Variants in CYP39A1 observed in about 807,000 individuals in gnomAD.
CYP39A1 encodes cytochrome P450 family 39 subfamily A member 1.
In CYP39A1, 49 loss-of-function variants were observed where a neutral mutation model predicts 58.1. The observed-to-expected ratio is 0.84, with a 90% CI of 0.67 to 1.07. The LOEUF is 1.07. Among genes scored for constraint, CYP39A1 ranks in the 50% least tolerant of loss-of-function variants. The pLI is 0.00. For missense variants in CYP39A1, 531 were observed against 539.4 expected (o/e 0.98, Z 0.16); for synonymous variants, 209 against 187.6 (o/e 1.11, Z -0.93).
intron 10 of CYP39A1, among the ~76,000 whole-genome samples, chr6:46,585,370 G>T (rs191355783): frequency 3.3e-5 from 5 of 152,218 alleles, no homozygotes; most frequent in Admixed American, 1.3e-4. Flanking sequence ...TAGACAGACA[G>T]ATAGCTAGAT....
intron 1 of CYP39A1, among the ~76,000 whole-genome samples, chr6:46,645,167 C>T (rs1024737393): frequency 6.6e-6 from 1 of 152,040 alleles, no homozygotes; most frequent in Non-Finnish European, 1.5e-5. Context: ...TCAGTTTTTC[C>T]TTTTATGAAC....
At chr6:46,616,995 T>C (rs2150560375) in intron 7 of CYP39A1, among the ~76,000 whole-genome samples, 1 of 151,248 alleles carries the variant, frequency 6.6e-6, no homozygotes, top group East Asian at 1.9e-4. Context: ...ATTAGGGGGG[T>C]TGGGATCTAC....
rs190784938 is a variant in CYP39A1 at position 46,553,802 on chromosome 6, A to G, written c.1303T>C (p.Tyr435His). The stretch of plus-strand genomic sequence containing the variant: ...AATGGGTCCAGAAGACTACAGTCAT[A>G]TTTATAAAGTATTAAAATAATACAC... ...QMCIILILYK[Y>H]DCSLLDPLPK... is the part of the protein sequence containing the mutation. The change falls in exon 11 of 12, where the codon TAT becomes CAT. Residue 435 changes from tyrosine to histidine, a missense_variant. Tyr to His is a moderately conservative substitution (Grantham distance 83). Coordinates refer to ENST00000275016, the MANE Select transcript of CYP39A1 (RefSeq NM_016593.5). 2.5e-5 allele frequency: 40 copies of G among 1,611,416 alleles called. No homozygotes were observed. In the Admixed American group the frequency reaches 4.5e-4, roughly 18 times the overall value.
At chr6:46,625,601 G>T in intron 6 of CYP39A1, 93 bp from the exon 7 acceptor site, 1 of 869,746 alleles carries the variant, frequency 1.1e-6, no homozygotes, top group Non-Finnish European at 1.7e-6. Flanking sequence ...TTTTTAAAAA[G>T]GATGATGTTT....
intron 4 of CYP39A1, among the ~76,000 whole-genome samples, chr6:46,637,574 A>G (rs1776066780): frequency 6.6e-6 from 1 of 152,214 alleles, no homozygotes; most frequent in South Asian, 2.1e-4. Flanking sequence ...ACATGGGATA[A>G]AAGACCTCAA....
At chr6:46,639,841 G>C (rs13194980) in intron 2 of CYP39A1, among the ~76,000 whole-genome samples, 173 bp from the exon 3 acceptor site, 16,621 of 152,236 alleles carry the variant, frequency 0.11, 923 homozygotes, top group South Asian at 0.17. Flanking sequence ...TCGACTGAGT[G>C]TGGTGGCTCA....
At chr6:46,599,028 C>T (rs533155050) in intron 7 of CYP39A1, among the ~76,000 whole-genome samples, 17 of 152,210 alleles carry the variant, frequency 1.1e-4, no homozygotes, top group Middle Eastern at 3.4e-3. Flanking sequence ...TTTCCTGAAA[C>T]CTTTATTGGG....
intron 1 of CYP39A1, among the ~76,000 whole-genome samples, chr6:46,649,818 G>A (rs955126406): frequency 2.0e-5 from 3 of 152,166 alleles, no homozygotes; most frequent in Non-Finnish European, 4.4e-5. Context: ...CCGTATAAAT[G>A]CATGATCTAT....
At chr6:46,600,384 G>C (rs980079919) in intron 7 of CYP39A1, among the ~76,000 whole-genome samples, 1 of 152,080 alleles carries the variant, frequency 6.6e-6, no homozygotes, top group Non-Finnish European at 1.5e-5. Flanking sequence ...GCCTTCAAAA[G>C]TGTTGGTATT....
chr6:46,553,735 G>A (rs2150476215), intron 11 of CYP39A1, 32 bp downstream of exon 11: 1 of 1,424,328 alleles, frequency 7.0e-7, no homozygotes, highest in East Asian at 2.3e-5. Flanking sequence ...TTTATAAGTA[G>A]TCATGATACT....
chr6:46,574,174 T>A (rs1771738085), intron 10 of CYP39A1, among the ~76,000 whole-genome samples: 5 of 152,238 alleles, frequency 3.3e-5, no homozygotes, highest in Admixed American at 3.3e-4. Flanking sequence ...TCTGCTTTTC[T>A]AGTCTCAAAA....
intron 7 of CYP39A1, among the ~76,000 whole-genome samples, chr6:46,598,945 G>A (rs889081840): frequency 4.6e-5 from 7 of 152,212 alleles, no homozygotes; most frequent in Middle Eastern, 3.4e-3. Flanking sequence ...CTATTAATGC[G>A]AATTTAATAA....
chr6:46,570,719 G>A (rs1215162973), intron 10 of CYP39A1, among the ~76,000 whole-genome samples: 1 of 152,150 alleles, frequency 6.6e-6, no homozygotes, highest in Admixed American at 6.6e-5. Context: ...CACAGGGAGA[G>A]AGAATGCAAG....
chr6:46,613,687 C>A (rs1454134357), intron 7 of CYP39A1, among the ~76,000 whole-genome samples: 1 of 150,108 alleles, frequency 6.7e-6, no homozygotes, highest in Non-Finnish European at 1.5e-5. Context: ...AAAATTCCAG[C>A]ACATTTTTAT....
chr6:46,564,553 G>T (rs769651030), intron 10 of CYP39A1, among the ~76,000 whole-genome samples: 1 of 152,108 alleles, frequency 6.6e-6, no homozygotes, highest in Non-Finnish European at 1.5e-5. Context: ...AAGGAAGGAG[G>T]AGTAAAGGAT....
At chr6:46,592,758 C>G (rs534813779) in intron 8 of CYP39A1, among the ~76,000 whole-genome samples, 21 of 152,114 alleles carry the variant, frequency 1.4e-4, no homozygotes, top group Non-Finnish European at 2.1e-4. Context: ...GAGTTCCAGA[C>G]CAGTCTGGCC....
intron 11 of CYP39A1, among the ~76,000 whole-genome samples, chr6:46,552,169 T>C (rs1412994552): frequency 2.0e-5 from 3 of 152,198 alleles, no homozygotes; most frequent in African/African-American, 4.8e-5. Context: ...GAAAAGGCAT[T>C]CTGGTGTCCT....
chr6:46,605,466 A>G (rs976327695), intron 7 of CYP39A1, among the ~76,000 whole-genome samples: 5 of 152,186 alleles, frequency 3.3e-5, no homozygotes, highest in African/African-American at 1.2e-4. Flanking sequence ...CATATTTTTA[A>G]TATTTTAATA....
intron 5 of CYP39A1, among the ~76,000 whole-genome samples, chr6:46,632,675 C>T (rs1775733640): frequency 6.6e-6 from 1 of 152,054 alleles, no homozygotes; most frequent in South Asian, 2.1e-4. Flanking sequence ...ATTATCTTCA[C>T]CATTATGCAT....
Sources: allele counts gnomAD v4.1 joint callset (sites outside exome capture counted in the v4.1 genomes callset), GRCh38; gene constraint gnomAD v4.1.1; transcripts MANE v1.5; gene names NCBI Gene and HGNC (gene_info 2026-07-23, HGNC 2026-07-21).